Variants in PHYHD1 observed in about 807,000 individuals in gnomAD.
The protein encoded by PHYHD1 is phytanoyl-CoA dioxygenase domain containing 1.
PHYHD1 carries 42 observed loss-of-function variants against 43.6 expected under a neutral mutation model. That is an observed-to-expected ratio of 0.96 (90% confidence interval 0.75 to 1.25). PHYHD1 has a LOEUF of 1.25. Among genes scored for constraint, PHYHD1 ranks in the 50% most tolerant of loss-of-function variants. The probability of loss-of-function intolerance (pLI) is 0.00; values close to 1 mark genes in which losing one functional copy is unlikely to be tolerated. For synonymous variants in PHYHD1, 139 were observed against 143.6 expected, an observed-to-expected ratio of 0.97 and a Z score of 0.23; for missense variants, 342 against 370.8, an observed-to-expected ratio of 0.92 and a Z score of 0.64.
chr9:128,923,294 C>T (rs1047884774), intron 3 of PHYHD1, among the ~76,000 whole-genome samples: 12 of 152,168 alleles, frequency 7.9e-5, no homozygotes, highest in Non-Finnish European at 1.5e-5. Flanking sequence ...CCAGGCTGGT[C>T]CAGAGCTCCT....
intron 8 of PHYHD1, 38 bp downstream of exon 8, chr9:128,936,683 A>G (rs781771752): frequency 6.5e-7 from 1 of 1,547,676 alleles, no homozygotes; most frequent in South Asian, 1.2e-5. Flanking sequence ...ACCATCTGTA[A>G]AATGGGCAGA....
intron 2 of PHYHD1, 47 bp downstream of exon 2, chr9:128,922,094 A>C: frequency 1.8e-6 from 1 of 542,202 alleles, no homozygotes; most frequent in South Asian, 2.6e-5. Flanking sequence ...CAGAGGAAGC[A>C]GATAAAATCC....
chr9:128,929,994 G>A (rs924705491), intron 4 of PHYHD1, among the ~76,000 whole-genome samples: 6 of 149,706 alleles, frequency 4.0e-5, no homozygotes, highest in South Asian at 4.3e-4. Context: ...AAAATTAGTC[G>A]TGGCCGGGCA....
At chr9:128,936,036 G>A (rs1226397665) in intron 6 of PHYHD1, among the ~76,000 whole-genome samples, 1 of 152,082 alleles carries the variant, frequency 6.6e-6, no homozygotes, top group Non-Finnish European at 1.5e-5. Context: ...TTAGCCCATC[G>A]AGTCCCACAC....
At chr9:128,929,847 A>G (rs1588247887) in intron 4 of PHYHD1, among the ~76,000 whole-genome samples, 1 of 152,056 alleles carries the variant, frequency 6.6e-6, no homozygotes, top group Non-Finnish European at 1.5e-5. Flanking sequence ...TTTACCATCC[A>G]GGCATGGTGG....
intron 6 of PHYHD1, among the ~76,000 whole-genome samples, chr9:128,936,003 C>A (rs1227138164): frequency 6.6e-6 from 1 of 152,098 alleles, no homozygotes; most frequent in South Asian, 2.1e-4. Flanking sequence ...CATGCCAGGC[C>A]CTGGGCTGTC....
chr9:128,932,166 A>T lies in PHYHD1; in HGVS notation c.193-1616A>T, dbSNP rs768424397. Among the ~76,000 whole-genome samples, 468 of 122,434 alleles carry T rather than the reference A, an allele frequency of 3.8e-3. 11 individuals are homozygous for T. The highest frequency in any genetic ancestry group is 0.016 in the African/African-American group (446 of 28,444). The allele number at this position is 122,434 out of a possible 152,430, so 80.3% of individuals were successfully genotyped here. ...AGTCAGTTCTATTATTATTATTATTATTGTTATTATTATTATTATTTTTTT... is the reference window on the plus strand; with the variant it reads ...AGTCAGTTCTATTATTATTATTATTTTTGTTATTATTATTATTATTTTTTT... On this transcript the variant is annotated intron_variant, in intron 4 of 12. Transcript: ENST00000372592.
rs1841569321 is a variant in PHYHD1, at chr9:128,941,736, C to T, written c.*23C>T. Reference sequence around the variant, plus strand: ...TAAAGGCTCTCGCAGGGCAGGAGCCCTCGCCCCTCCCGGGTGAAGCTGTGG... The same window carrying T: ...TAAAGGCTCTCGCAGGGCAGGAGCCTTCGCCCCTCCCGGGTGAAGCTGTGG... On this transcript the variant is annotated 3_prime_UTR_variant, in exon 13 of 13. Transcript: ENST00000372592. 1.9e-6 allele frequency: 3 copies of T among 1,614,010 alleles called. No homozygotes were observed. Among genetic ancestry groups the T allele is most frequent in the African/African-American group, 2.7e-5 (2 of 74,936 alleles).
chr9:128,935,557 T>C, intron 6 of PHYHD1, among the ~76,000 whole-genome samples: 2 of 64,876 alleles, frequency 3.1e-5, no homozygotes, highest in East Asian at 3.4e-4. Context: ...AAACTCTGTC[T>C]CAAAAAAAAA....
intron 4 of PHYHD1, among the ~76,000 whole-genome samples, chr9:128,928,319 G>A (rs985127871): frequency 6.6e-6 from 1 of 152,172 alleles, no homozygotes; most frequent in Non-Finnish European, 1.5e-5. Flanking sequence ...CCACTCAAGG[G>A]TTCCTAGGAG....
chr9:128,934,093 C>A, intron 6 of PHYHD1, 35 bp downstream of exon 6: 2 of 1,600,956 alleles, frequency 1.2e-6, no homozygotes, highest in Non-Finnish European at 1.7e-6. Context: ...GAAAGAAGAT[C>A]GGGGAACAGG....
chr9:128,922,130 G>A, intron 2 of PHYHD1, 83 bp downstream of exon 2: 1 of 595,054 alleles, frequency 1.7e-6, no homozygotes, highest in Non-Finnish European at 3.0e-6. Context: ...GGCAAATCCT[G>A]GATTAGTTGT....
chr9:128,937,434 C>G (rs1296874837), intron 8 of PHYHD1, among the ~76,000 whole-genome samples: 1 of 152,126 alleles, frequency 6.6e-6, no homozygotes, highest in African/African-American at 2.4e-5. Context: ...GAAAGAAGGA[C>G]CCATCTGACT....
chr9:128,938,077 C>G, intron 9 of PHYHD1: 1 of 792,062 alleles, frequency 1.3e-6, no homozygotes, highest in Non-Finnish European at 1.8e-6. Context: ...AAGGCAGAGG[C>G]GAGCGGATCA....
chr9:128,941,341 G>T, intron 11 of PHYHD1, 104 bp from the exon 12 acceptor site: 1 of 1,468,004 alleles, frequency 6.8e-7, no homozygotes, highest in Non-Finnish European at 9.3e-7. Context: ...GGGATGGATG[G>T]GGGCCACAAA....
chr9:128,927,230 G>A (rs1296779541), intron 4 of PHYHD1, 34 bp downstream of exon 4: 2 of 1,610,942 alleles, frequency 1.2e-6, no homozygotes, highest in East Asian at 2.2e-5. Context: ...ATGGGATGTG[G>A]CTTTTGAGGG....
At chr9:128,922,530 G>C (rs552812846) in intron 3 of PHYHD1, among the ~76,000 whole-genome samples, 174 bp downstream of exon 3, 1 of 152,308 alleles carries the variant, frequency 6.6e-6, no homozygotes, top group East Asian at 1.9e-4. Flanking sequence ...ACATAGCCCT[G>C]GGTGTCTAGA....
Position 128,927,303 on chromosome 9 carries a change from A to G in PHYHD1, c.192+107A>G. 7.1e-6 allele frequency: 10 copies of G among 1,413,538 alleles called. No homozygotes were observed. In the South Asian group the frequency reaches 1.2e-4, roughly 17 times the overall value. 87.6% of individuals were successfully genotyped at this position (1,413,538 alleles called of 1,614,324 possible). A position where few individuals can be genotyped will look rare whatever the true frequency, so the allele number is the denominator to read the frequency against. On this transcript the variant is annotated intron_variant, in intron 4 of 12. Coordinates refer to ENST00000372592, the MANE Select transcript of PHYHD1 (RefSeq NM_001100876.2). ...GAGGATCCCAAGGCTCCAGGGTGTCAGGCCAAGCCCCTTACACACCTTTCC... is the reference window on the plus strand; with the variant it reads ...GAGGATCCCAAGGCTCCAGGGTGTCGGGCCAAGCCCCTTACACACCTTTCC...
chr9:128,937,680 G>C, intron 8 of PHYHD1, 77 bp from the exon 9 acceptor site: 1 of 1,560,396 alleles, frequency 6.4e-7, no homozygotes, highest in Non-Finnish European at 8.8e-7. Flanking sequence ...CAGAGCAATA[G>C]CATCCTGGGA....
Sources: allele counts gnomAD v4.1 joint callset (sites outside exome capture counted in the v4.1 genomes callset), GRCh38; gene constraint gnomAD v4.1.1; transcripts MANE v1.5; gene names NCBI Gene and HGNC (gene_info 2026-07-23, HGNC 2026-07-21).